Variants in HSPB3 observed in about 807,000 individuals in gnomAD.
HSPB3 encodes heat shock protein beta-3.
HSPB3 carries 10 observed loss-of-function variants against 10.9 expected under a neutral mutation model. That is an observed-to-expected ratio of 0.91 (90% CI 0.56 to 1.55). The LOEUF is 1.55. Ranked by LOEUF, HSPB3 falls within the 40% of genes most tolerant of loss-of-function variation. HSPB3 has a pLI of 0.00. For missense variants in HSPB3, 176 were observed against 184.1 expected (o/e 0.96, Z 0.25); for synonymous variants, 73 against 71.8 (o/e 1.02, Z -0.08).
Position 54,456,016 on chromosome 5 carries a change from A to T in HSPB3, c.227A>T (p.Asp76Val), listed in dbSNP as rs768294107. ...EGKSHFQILL[D>V]VVQFLPEDII... ...AAATCCCACTTTCAGATCCTGCTGG[A>T]CGTGGTCCAGTTCCTCCCTGAAGAC... Residue 76 changes from aspartate (D) to valine (V), a missense_variant, in exon 1 of 1, where the codon GAC becomes GTC. Physicochemically the swap from Asp to Val is radical, Grantham distance 152. Coordinates refer to ENST00000302005, the MANE Select transcript of HSPB3 (RefSeq NM_006308.3). The T allele has an allele frequency of 6.2e-6, 10 of 1,614,024 alleles. No homozygotes were observed. The South Asian group carries it at 1.1e-4, about 18-fold the overall frequency.
chr5:54,455,949 C>A lies in HSPB3; in HGVS notation c.160C>A (p.Pro54Thr), dbSNP rs1266261399. The A allele has an allele frequency of 1.9e-6, 3 of 1,614,172 alleles. No homozygotes were observed. The highest frequency in any genetic ancestry group is 2.5e-6 in the Non-Finnish European group (3 of 1,180,030). The change falls in exon 1 of 1, where the codon CCT becomes ACT. Residue 54 changes from proline to threonine, a missense_variant. Pro to Thr is a conservative substitution (Grantham distance 38). Coordinates refer to ENST00000302005, the MANE Select transcript of HSPB3 (RefSeq NM_006308.3). ...DLRKTRAAQS[P>T]PVDSAAETPP... Reference sequence around the variant, plus strand: ...GAGGAAAACCAGGGCAGCGCAGTCTCCTCCAGTGGACTCAGCGGCAGAGAC... The same window carrying A: ...GAGGAAAACCAGGGCAGCGCAGTCTACTCCAGTGGACTCAGCGGCAGAGAC...
chr5:54,456,351 A>G lies in HSPB3; in HGVS notation c.*109A>G. 3.2e-6 allele frequency: 3 copies of G among 931,706 alleles called. No individual in the cohort carries two copies. The highest frequency in any genetic ancestry group is 5.3e-6 in the Non-Finnish European group (3 of 563,480). The allele number at this position is 931,706 out of a possible 1,614,324, so 57.7% of individuals were successfully genotyped here. A position where few individuals can be genotyped will look rare whatever the true frequency, so the allele number is the denominator to read the frequency against. ...TTTGAAATGATTTGCTATGATTTTT[A>G]TGAAGATTAAAAATATATACACAGT... On this transcript the variant is annotated 3_prime_UTR_variant, in exon 1 of 1. Transcript: ENST00000302005.
rs751093397 is a variant in HSPB3, at chr5:54,455,843, A to G, written c.54A>G (p.Glu18=). The change falls in exon 1 of 1, where the codon GAA becomes GAG. Residue 18 remains glutamate, a synonymous_variant. Transcript: ENST00000302005. The part of the protein sequence containing the change: ...HLIEIPVRYQ[E]EFEARGLEDC... Reference sequence around the variant, plus strand: ...TAGAGATTCCAGTGCGTTACCAGGAAGAGTTTGAAGCTCGAGGTCTAGAAG... The same window carrying G: ...TAGAGATTCCAGTGCGTTACCAGGAGGAGTTTGAAGCTCGAGGTCTAGAAG... The G allele has an allele frequency of 3.7e-6, 6 of 1,614,064 alleles. No individual in the cohort carries two copies. The highest frequency in any genetic ancestry group is 1.7e-5 in the Admixed American group (1 of 60,004).
chr5:54,456,258 T>G lies in HSPB3; in HGVS notation c.*16T>G, dbSNP rs201783790. ...GACTAAGTGACATCGTATCGGTTCC[T>G]GTTCAGATGACATGGGGAAGATGAT... On this transcript the variant is annotated 3_prime_UTR_variant, in exon 1 of 1. Coordinates refer to ENST00000302005, the MANE Select transcript of HSPB3 (RefSeq NM_006308.3). The G allele has an allele frequency of 3.3e-5, 52 of 1,592,238 alleles. 1 individual carries two copies. Among genetic ancestry groups the G allele is most frequent in the African/African-American group, 5.4e-5 (4 of 74,620 alleles).
In HSPB3 at chr5:54,456,265, A is replaced by T; in HGVS notation, c.*23A>T. The T allele has an allele frequency of 6.4e-7, 1 of 1,569,918 alleles. No homozygotes were observed. The highest frequency in any genetic ancestry group is 8.8e-7 in the Non-Finnish European group (1 of 1,139,856). Reference sequence around the variant, plus strand: ...TGACATCGTATCGGTTCCTGTTCAGATGACATGGGGAAGATGATGGTTCAG... The same window carrying T: ...TGACATCGTATCGGTTCCTGTTCAGTTGACATGGGGAAGATGATGGTTCAG... On this transcript the variant is annotated 3_prime_UTR_variant, in exon 1 of 1. Coordinates refer to ENST00000302005, the MANE Select transcript of HSPB3 (RefSeq NM_006308.3).
Position 54,455,987 on chromosome 5 carries a change from A to G in HSPB3, c.198A>G (p.Glu66=). Residue 66 remains glutamate, a synonymous_variant, in exon 1 of 1, where the codon GAA becomes GAG. Transcript: ENST00000302005. ...VDSAAETPPR[E]GKSHFQILLD... is the part of the protein sequence containing the mutation. ...CAGCGGCAGAGACGCCACCCCGAGA[A>G]GGCAAATCCCACTTTCAGATCCTGC... is the stretch of plus-strand genomic sequence containing the variant. The G allele has an allele frequency of 6.2e-7, 1 of 1,614,082 alleles. No homozygotes were observed. Among genetic ancestry groups the G allele is most frequent in the Non-Finnish European group, 8.5e-7 (1 of 1,180,006 alleles).
In HSPB3 at chr5:54,456,186, C is replaced by A; in HGVS notation, c.397C>A (p.Leu133Ile). Residue 133 changes from leucine (L) to isoleucine (I), a missense_variant, in exon 1 of 1, where the codon CTC becomes ATC. Transcript: ENST00000302005. ...GVEIKDLSAV[L>I]CHDGILVVEV... ...GGAAATCAAAGATTTGTCTGCAGTC[C>A]TCTGTCATGATGGAATTTTGGTGGT... is the stretch of plus-strand genomic sequence containing the variant. The A allele has an allele frequency of 2.5e-6, 4 of 1,614,140 alleles. 1 individual carries two copies. The highest frequency in any genetic ancestry group is 1.7e-6 in the Non-Finnish European group (2 of 1,180,020).
chr5:54,455,870 C>T lies in HSPB3; in HGVS notation c.81C>T (p.Asp27=). Residue 27 remains aspartate, a synonymous_variant, in exon 1 of 1, where the codon GAC becomes GAT. Transcript: ENST00000302005. ...QEEFEARGLE[D]CRLDHALYAL... ...AGTTTGAAGCTCGAGGTCTAGAAGA[C>T]TGCAGGCTGGATCATGCTTTATATG... 1 of 1,614,164 alleles carries T rather than the reference C, an allele frequency of 6.2e-7. No individual in the cohort carries two copies. Among genetic ancestry groups the T allele is most frequent in the Non-Finnish European group, 8.5e-7 (1 of 1,180,002 alleles).
chr5:54,455,722 T>C lies in HSPB3; in HGVS notation c.-68T>C. ...CCAGTCAGTAGGCAACTGCAGGGGC[T>C]CGCCACTGACTGAAGGCAGTGGAAG... On this transcript the variant is annotated 5_prime_UTR_variant, in exon 1 of 1. Coordinates refer to ENST00000302005, the MANE Select transcript of HSPB3 (RefSeq NM_006308.3). 7.6e-7 allele frequency: 1 copy of C among 1,315,128 alleles called. No individual in the cohort carries two copies. The highest frequency in any genetic ancestry group is 1.1e-6 in the Non-Finnish European group (1 of 910,644). 81.5% of individuals were successfully genotyped at this position (1,315,128 alleles called of 1,614,324 possible).
At position 54,456,270 on chromosome 5, in the gene HSPB3, A is replaced by G. The variant is rs780601760; in HGVS notation, c.*28A>G. Reference sequence around the variant, plus strand: ...TCGTATCGGTTCCTGTTCAGATGACATGGGGAAGATGATGGTTCAGCCACT... The same window carrying G: ...TCGTATCGGTTCCTGTTCAGATGACGTGGGGAAGATGATGGTTCAGCCACT... On this transcript the variant is annotated 3_prime_UTR_variant, in exon 1 of 1. Transcript: ENST00000302005. 1.9e-6 allele frequency: 3 copies of G among 1,545,164 alleles called. No individual in the cohort carries two copies. The highest frequency in any genetic ancestry group is 1.1e-5 in the South Asian group (1 of 89,662).
chr5:54,455,764 T>C lies in HSPB3; in HGVS notation c.-26T>C. The C allele has an allele frequency of 6.3e-7, 1 of 1,596,928 alleles. No homozygotes were observed. ...CAGTGGAAGGTTGGCAGAAGGAGGC[T>C]GTTCAAGGCTGTTTTTGCCTTCACT... On this transcript the variant is annotated 5_prime_UTR_variant, in exon 1 of 1. Transcript: ENST00000302005.
chr5:54,455,806 T>C lies in HSPB3; in HGVS notation c.17T>C (p.Leu6Ser). MAKII[L>S]RHLIEIPVRY... ...GCCTTCACTATGGCAAAAATCATTT[T>C]GAGGCACCTCATAGAGATTCCAGTG... Residue 6 changes from leucine (L) to serine (S), a missense_variant, in exon 1 of 1, where the codon TTG (leucine) becomes TCG (serine). By Grantham distance (145) the Leu-to-Ser change is moderately radical. Coordinates refer to ENST00000302005, the MANE Select transcript of HSPB3 (RefSeq NM_006308.3). The C allele has an allele frequency of 6.2e-7, 1 of 1,614,164 alleles. No homozygotes were observed. The highest frequency in any genetic ancestry group is 1.1e-5 in the South Asian group (1 of 91,084).
rs768713076 is a variant in HSPB3 at position 54,456,112 on chromosome 5, GT to G, written c.327del (p.Phe109LeufsTer35). 2.5e-6 allele frequency: 4 copies of G among 1,614,160 alleles called. No homozygotes were observed. In the East Asian group the frequency reaches 6.7e-5, roughly 27 times the overall value. On this transcript the variant is annotated frameshift_variant, in exon 1 of 1. Transcript: ENST00000302005. LOFTEE classifies it high-confidence loss of function. The stretch of plus-strand genomic sequence containing the variant: ...CACGGAACCAGAATGGATGAGCACG[GT>G]TTTATCTCAAGAAGCTTCACCCGAC... Reference protein sequence around the residue: ...AQHGTRMDEHGFISRSFTRQY... With the variant: ...AQHGTRMDEHXFISRSFTRQY...
At position 54,456,321 on chromosome 5, in the gene HSPB3, C is replaced by A; in HGVS notation, c.*79C>A. On this transcript the variant is annotated 3_prime_UTR_variant, in exon 1 of 1. Transcript: ENST00000302005. ...GGTACTACGAGAATGTTTGTATTAC[C>A]CACATTTGAAATGATTTGCTATGAT... 1.9e-6 allele frequency: 2 copies of A among 1,072,872 alleles called. No homozygotes were observed. Among genetic ancestry groups the A allele is most frequent in the Non-Finnish European group, 2.9e-6 (2 of 686,814 alleles). The allele number at this position is 1,072,872 out of a possible 1,614,324, so 66.5% of individuals were successfully genotyped here.
Position 54,456,278 on chromosome 5 carries a change from G to C in HSPB3, c.*36G>C, listed in dbSNP as rs1370680094. The C allele has an allele frequency of 7.9e-6, 12 of 1,512,526 alleles. No homozygotes were observed. Among genetic ancestry groups the C allele is most frequent in the Non-Finnish European group, 1.1e-5 (12 of 1,087,724 alleles). 93.7% of individuals were successfully genotyped at this position (1,512,526 alleles called of 1,614,324 possible). A position where few individuals can be genotyped will look rare whatever the true frequency, so the allele number is the denominator to read the frequency against. Reference sequence around the variant, plus strand: ...GTTCCTGTTCAGATGACATGGGGAAGATGATGGTTCAGCCACTGGTACTAC... The same window carrying C: ...GTTCCTGTTCAGATGACATGGGGAACATGATGGTTCAGCCACTGGTACTAC... On this transcript the variant is annotated 3_prime_UTR_variant, in exon 1 of 1. Transcript: ENST00000302005.
chr5:54,456,253 G>T lies in HSPB3; in HGVS notation c.*11G>T, dbSNP rs1761047037. On this transcript the variant is annotated 3_prime_UTR_variant, in exon 1 of 1. Coordinates refer to ENST00000302005, the MANE Select transcript of HSPB3 (RefSeq NM_006308.3). ...GTTGGGACTAAGTGACATCGTATCG[G>T]TTCCTGTTCAGATGACATGGGGAAG... 1.2e-6 allele frequency: 2 copies of T among 1,604,516 alleles called. No individual in the cohort carries two copies. The highest frequency in any genetic ancestry group is 8.5e-7 in the Non-Finnish European group (1 of 1,171,300).
Position 54,455,825 on chromosome 5 carries a change from T to C in HSPB3, c.36T>C (p.Ile12=), listed in dbSNP as rs761188612. ...TCATTTTGAGGCACCTCATAGAGAT[T>C]CCAGTGCGTTACCAGGAAGAGTTTG... The part of the protein sequence containing the change: ...AKIILRHLIE[I]PVRYQEEFEA... Residue 12 remains isoleucine, a synonymous_variant, in exon 1 of 1, where the codon ATT becomes ATC. Coordinates refer to ENST00000302005, the MANE Select transcript of HSPB3 (RefSeq NM_006308.3). 1 of 1,613,944 alleles carries C rather than the reference T, an allele frequency of 6.2e-7. No individual in the cohort carries two copies.
rs1388314426 is a variant in HSPB3 at position 54,455,834 on chromosome 5, T to C, written c.45T>C (p.Arg15=). 1.2e-6 allele frequency: 2 copies of C among 1,614,090 alleles called. No individual in the cohort carries two copies. The highest frequency in any genetic ancestry group is 2.2e-5 in the South Asian group (2 of 91,076). Residue 15 remains arginine, a synonymous_variant, in exon 1 of 1, where the codon CGT becomes CGC. Transcript: ENST00000302005. ...ILRHLIEIPV[R]YQEEFEARGL... ...GGCACCTCATAGAGATTCCAGTGCG[T>C]TACCAGGAAGAGTTTGAAGCTCGAG...
Position 54,455,738 on chromosome 5 carries a change from G to A in HSPB3, c.-52G>A, listed in dbSNP as rs371242310. The A allele has an allele frequency of 2.4e-4, 340 of 1,442,208 alleles. No individual in the cohort carries two copies. In the African/African-American group the frequency reaches 4.4e-3, roughly 19 times the overall value. 89.3% of individuals were successfully genotyped at this position (1,442,208 alleles called of 1,614,324 possible). ...TGCAGGGGCTCGCCACTGACTGAAG[G>A]CAGTGGAAGGTTGGCAGAAGGAGGC... On this transcript the variant is annotated 5_prime_UTR_variant, in exon 1 of 1. Coordinates refer to ENST00000302005, the MANE Select transcript of HSPB3 (RefSeq NM_006308.3).
Sources: allele counts gnomAD v4.1 joint callset, GRCh38; gene constraint gnomAD v4.1.1; transcripts MANE v1.5; gene names NCBI Gene and HGNC (gene_info 2026-07-23, HGNC 2026-07-21).